Variants in SPATA9 observed in about 807,000 individuals in gnomAD.
SPATA9 encodes the protein spermatogenesis-associated protein 9.
SPATA9 carries 27 observed loss-of-function variants against 25.5 expected under a neutral mutation model. That is an observed-to-expected ratio of 1.06 (90% CI 0.78 to 1.46). The LOEUF (loss-of-function observed/expected upper bound fraction) is 1.46. SPATA9 is among the 40% of genes most tolerant of loss of function. SPATA9 has a pLI of 0.00. For missense variants in SPATA9, 282 were observed against 297.5 expected, an observed-to-expected ratio of 0.95 and a Z score of 0.38; for synonymous variants, 102 against 105.7, an observed-to-expected ratio of 0.97 and a Z score of 0.21.
intron 2 of SPATA9, among the ~76,000 whole-genome samples, chr5:95,678,237 C>T (rs1054458089): frequency 1.3e-5 from 2 of 152,136 alleles, no homozygotes; most frequent in Non-Finnish European, 2.9e-5. Context: ...ATTAATCCAG[C>T]ATGGTGGCAG....
the SPATA9 span, chr5:95,731,460 G>T: frequency 6.3e-5 from 76 of 1,213,776 alleles, no homozygotes; most frequent in African/African-American, 1.1e-3. Context: ...CCTGAGTAGC[G>T]GCAGCTTATC....
chr5:95,683,937 T>G (rs1458024681), upstream of SPATA9, among the ~76,000 whole-genome samples: 2 of 152,146 alleles, frequency 1.3e-5, no homozygotes, highest in African/African-American at 2.4e-5. Flanking sequence ...ACCACTTTCT[T>G]CAGCAAGCAT....
downstream of SPATA9, chr5:95,657,848 A>G (rs1034479898): frequency 6.6e-6 from 1 of 152,176 alleles, no homozygotes; most frequent in African/African-American, 2.4e-5. Flanking sequence ...CTATTCTATC[A>G]TGTGATAATC....
chr5:95,722,305 T>C, the SPATA9 span, among the ~76,000 whole-genome samples: 3 of 152,160 alleles, frequency 2.0e-5, no homozygotes, highest in East Asian at 5.8e-4. Flanking sequence ...TATTAGAGTT[T>C]GTTGGAAAGA....
At chr5:95,728,590 G>A in the SPATA9 span, among the ~76,000 whole-genome samples, 5 of 152,124 alleles carry the variant, frequency 3.3e-5, no homozygotes, top group Non-Finnish European at 7.3e-5. Flanking sequence ...GACTGCCTAG[G>A]CCTAGGTCTA....
At chr5:95,710,326 G>A in the SPATA9 span, among the ~76,000 whole-genome samples, 1 of 152,202 alleles carries the variant, frequency 6.6e-6, no homozygotes, top group Admixed American at 6.5e-5. Flanking sequence ...AAAGTCAAAC[G>A]AGGCTGATCT....
chr5:95,727,405 A>G, the SPATA9 span, among the ~76,000 whole-genome samples: 2 of 152,226 alleles, frequency 1.3e-5, no homozygotes, highest in Non-Finnish European at 2.9e-5. Flanking sequence ...GTATATGAAT[A>G]TTCACAATTT....
chr5:95,731,041 C>G, the SPATA9 span: 1 of 1,008,894 alleles, frequency 9.9e-7, no homozygotes. Context: ...TTTCCTGGCT[C>G]TGGTTACGGC....
At chr5:95,703,507 G>A (rs1006027467), upstream of SPATA9, among the ~76,000 whole-genome samples, 2 of 152,022 alleles carry the variant, frequency 1.3e-5, no homozygotes, top group African/African-American at 4.8e-5. Context: ...GGTGCCACAC[G>A]CCAGTAGTCG....
chr5:95,709,033 G>A, the SPATA9 span, among the ~76,000 whole-genome samples: 1 of 152,186 alleles, frequency 6.6e-6, no homozygotes. Context: ...TGGGAGTGAT[G>A]AATCCAAGCA....
chr5:95,652,314 T>G, downstream of SPATA9: 1 of 1,551,094 alleles, frequency 6.4e-7, no homozygotes, highest in Non-Finnish European at 8.7e-7. Context: ...TTCTTCCTTA[T>G]CTACACTTCC....
chr5:95,724,581 C>G, the SPATA9 span, among the ~76,000 whole-genome samples: 3 of 152,290 alleles, frequency 2.0e-5, no homozygotes, highest in African/African-American at 7.2e-5. Flanking sequence ...AGCTCCTCTA[C>G]TCCCTACTTG....
At chr5:95,690,751 A>G (rs1753860482) in intron 1 of SPATA9, among the ~76,000 whole-genome samples, 1 of 152,220 alleles carries the variant, frequency 6.6e-6, no homozygotes, top group Non-Finnish European at 1.5e-5. Flanking sequence ...CCAGTTTCCC[A>G]GAAATATAGG....
At chr5:95,691,696 C>T (rs1460556830) in intron 1 of SPATA9, among the ~76,000 whole-genome samples, 1 of 151,978 alleles carries the variant, frequency 6.6e-6, no homozygotes, top group African/African-American at 2.4e-5. Context: ...ATTTTATTCT[C>T]CTATTTTATT....
chr5:95,688,306 G>T (rs1373182535), intron 1 of SPATA9, among the ~76,000 whole-genome samples: 1 of 152,158 alleles, frequency 6.6e-6, no homozygotes, highest in Non-Finnish European at 1.5e-5. Context: ...GTGCAGTGGT[G>T]CAGTGGTGTG....
intron 4 of SPATA9, among the ~76,000 whole-genome samples, chr5:95,661,090 A>T (rs1056933426): frequency 3.3e-5 from 5 of 151,984 alleles, no homozygotes; most frequent in Non-Finnish European, 7.4e-5. Flanking sequence ...TAACCTTGAC[A>T]TCTTTACTAC....
At chr5:95,700,381 C>T (rs181394791), upstream of SPATA9, among the ~76,000 whole-genome samples, 1 of 152,166 alleles carries the variant, frequency 6.6e-6, no homozygotes, top group African/African-American at 2.4e-5. Context: ...CTCATTGCAA[C>T]CTCCACCTCC....
At chr5:95,706,282 G>T in the SPATA9 span, among the ~76,000 whole-genome samples, 3 of 151,734 alleles carry the variant, frequency 2.0e-5, no homozygotes, top group African/African-American at 4.9e-5. Flanking sequence ...GGAGGGGCCC[G>T]GTGGGAGGTG....
At chr5:95,708,822 G>GACGA in the SPATA9 span, 1 of 581,040 alleles carries the variant, frequency 1.7e-6, no homozygotes, top group Non-Finnish European at 3.1e-6. Flanking sequence ...AAGTAGTGTT[G>GACGA]ACGAATACAC....
Sources: gnomAD v4.1 joint callset for allele counts (sites outside exome capture counted in the v4.1 genomes callset) on GRCh38, gnomAD v4.1.1 for gene constraint, MANE v1.5 for transcripts, NCBI Gene and HGNC (gene_info 2026-07-23, HGNC 2026-07-21) for gene names.